The following ST6GALNAC3 variants were observed in gnomAD, a reference collection of about 807,000 sequenced individuals.
ST6GALNAC3 encodes the protein ST6 N-acetylgalactosaminide alpha-2,6-sialyltransferase 3.
A neutral mutation model predicts 32.7 loss-of-function variants in ST6GALNAC3; 25 were observed. That is an observed-to-expected ratio of 0.76 (90% CI 0.56 to 1.07). The LOEUF (loss-of-function observed/expected upper bound fraction) is 1.07, where lower values mean the gene tolerates loss of function less well. ST6GALNAC3 is among the 50% of genes least tolerant of loss of function. ST6GALNAC3 has a pLI of 0.00. For synonymous variants in ST6GALNAC3, 129 were observed against 133.1 expected (o/e 0.97, Z 0.21); for missense variants, 355 against 382.4 (o/e 0.93, Z 0.60).
intron 1 of ST6GALNAC3, among the ~76,000 whole-genome samples, chr1:76,079,564 G>A (rs1030407966): frequency 4.6e-5 from 7 of 152,140 alleles, no homozygotes; most frequent in African/African-American, 1.7e-4. Flanking sequence ...GGTTGATGAG[G>A]CTTATGAACA....
chr1:76,490,159 G>A (rs550555717), intron 3 of ST6GALNAC3, among the ~76,000 whole-genome samples: 67 of 152,074 alleles, frequency 4.4e-4, no homozygotes, highest in African/African-American at 1.6e-3. Context: ...CGGACCTTTC[G>A]ATGACCCTCT....
Position 76,578,223 on chromosome 1 carries a change from CACTT to C in ST6GALNAC3, c.624-49226_624-49223del, listed in dbSNP as rs370903370. 4.3e-3 allele frequency among the ~76,000 whole-genome samples: 655 copies of C among 152,122 alleles called. 1 individual carries two copies. Among genetic ancestry groups the C allele is most frequent in the Non-Finnish European group, 5.7e-3 (385 of 67,984 alleles). ...AACCATAAAATCCCTATTGGTAAAACACTTACATCTGCAATAATCTGCCACTTTC... is the reference window on the plus strand; with the variant it reads ...AACCATAAAATCCCTATTGGTAAAACACATCTGCAATAATCTGCCACTTTC... On this transcript the variant is annotated intron_variant, in intron 3 of 4. Coordinates refer to ENST00000328299, the MANE Select transcript of ST6GALNAC3 (RefSeq NM_152996.4).
intron 2 of ST6GALNAC3, among the ~76,000 whole-genome samples, chr1:76,320,493 C>G (rs1038156746): frequency 6.6e-6 from 1 of 152,060 alleles, no homozygotes; most frequent in Non-Finnish European, 1.5e-5. Flanking sequence ...TCTCTGTGTA[C>G]CCCTGACATG....
At chr1:76,187,751 A>G (rs1328535220) in intron 1 of ST6GALNAC3, among the ~76,000 whole-genome samples, 1 of 152,098 alleles carries the variant, frequency 6.6e-6, no homozygotes, top group Non-Finnish European at 1.5e-5. Flanking sequence ...ACACACGCAC[A>G]CACACACAAA....
intron 2 of ST6GALNAC3, among the ~76,000 whole-genome samples, chr1:76,399,195 T>G (rs900434235): frequency 6.6e-6 from 1 of 152,164 alleles, no homozygotes; most frequent in Non-Finnish European, 1.5e-5. Flanking sequence ...TATAATTCAT[T>G]TTATCAGTCT....
At chr1:76,474,546 G>C (rs1659228224) in intron 3 of ST6GALNAC3, among the ~76,000 whole-genome samples, 1 of 152,132 alleles carries the variant, frequency 6.6e-6, no homozygotes, top group South Asian at 2.1e-4. Context: ...TTCTTGATGT[G>C]ATACCACAAC....
At chr1:76,312,161 A>G (rs1646777710) in intron 1 of ST6GALNAC3, among the ~76,000 whole-genome samples, 1 of 122,232 alleles carries the variant, frequency 8.2e-6, no homozygotes, top group Non-Finnish European at 1.9e-5. Flanking sequence ...CAAACCTGAC[A>G]AAAACAAACA....
intron 1 of ST6GALNAC3, among the ~76,000 whole-genome samples, chr1:76,185,306 C>A (rs1027829893): frequency 1.3e-5 from 2 of 152,220 alleles, no homozygotes; most frequent in Non-Finnish European, 2.9e-5. Flanking sequence ...ATGACCAAGA[C>A]TTGGTCCCTG....
intron 3 of ST6GALNAC3, among the ~76,000 whole-genome samples, chr1:76,450,465 T>C (rs1657312348): frequency 1.3e-5 from 2 of 152,214 alleles, no homozygotes; most frequent in African/African-American, 4.8e-5. Context: ...ATTCTGGATA[T>C]TATTCCTTTG....
chr1:76,547,812 G>A (rs772949709), intron 3 of ST6GALNAC3, among the ~76,000 whole-genome samples: 15 of 149,180 alleles, frequency 1.0e-4, no homozygotes, highest in South Asian at 6.4e-4. Flanking sequence ...AGCCAGGATC[G>A]CGCCACTGCA....
At chr1:76,414,584 A>C (rs905867703) in intron 3 of ST6GALNAC3, among the ~76,000 whole-genome samples, 7 of 152,088 alleles carry the variant, frequency 4.6e-5, no homozygotes, top group African/African-American at 1.7e-4. Context: ...TCAACTTTTC[A>C]TGAAGGAAAA....
chr1:76,469,381 G>A (rs1658871302), intron 3 of ST6GALNAC3, among the ~76,000 whole-genome samples: 1 of 152,030 alleles, frequency 6.6e-6, no homozygotes, highest in South Asian at 2.1e-4. Context: ...TAGGTGTTTA[G>A]TAAATATTGA....
intron 3 of ST6GALNAC3, among the ~76,000 whole-genome samples, chr1:76,496,446 A>G (rs762355700): frequency 4.6e-5 from 7 of 152,166 alleles, no homozygotes; most frequent in Non-Finnish European, 7.3e-5. Context: ...CATTGTTTCA[A>G]TCTGTTAGAA....
At chr1:76,616,311 A>C (rs888930575) in intron 3 of ST6GALNAC3, among the ~76,000 whole-genome samples, 1 of 152,232 alleles carries the variant, frequency 6.6e-6, no homozygotes, top group Non-Finnish European at 1.5e-5. Context: ...AATAGAGAGA[A>C]AAACAGATTT....
At chr1:76,421,686 C>A (rs980090216) in intron 3 of ST6GALNAC3, among the ~76,000 whole-genome samples, 1 of 151,994 alleles carries the variant, frequency 6.6e-6, no homozygotes, top group African/African-American at 2.4e-5. Context: ...AATAAATTGC[C>A]TTACTTTTTA....
chr1:76,383,935 T>G (rs904973187), intron 2 of ST6GALNAC3, among the ~76,000 whole-genome samples: 1 of 152,012 alleles, frequency 6.6e-6, no homozygotes, highest in Admixed American at 6.6e-5. Flanking sequence ...AGATAATAAA[T>G]GGGAAATTTT....
intron 1 of ST6GALNAC3, among the ~76,000 whole-genome samples, chr1:76,159,161 T>C (rs1420241643): frequency 6.6e-6 from 1 of 152,092 alleles, no homozygotes; most frequent in East Asian, 1.9e-4. Context: ...AAGTTGGGAA[T>C]GTTAGGCCTC....
chr1:76,126,490 A>G (rs1230988450), intron 1 of ST6GALNAC3, among the ~76,000 whole-genome samples: 1 of 137,682 alleles, frequency 7.3e-6, no homozygotes, highest in Admixed American at 8.1e-5. Flanking sequence ...ACGAATGAAT[A>G]TACCTTGTAG....
chr1:76,395,555 C>T (rs1652887025), intron 2 of ST6GALNAC3, among the ~76,000 whole-genome samples: 1 of 151,968 alleles, frequency 6.6e-6, no homozygotes, highest in South Asian at 2.1e-4. Context: ...TCATCAGTGG[C>T]TGAATGGATA....
Sources: gnomAD v4.1 joint callset for allele counts (sites outside exome capture counted in the v4.1 genomes callset) on GRCh38, gnomAD v4.1.1 for gene constraint, MANE v1.5 for transcripts, NCBI Gene and HGNC (gene_info 2026-07-23, HGNC 2026-07-21) for gene names.